The following CTNNA2 variants were observed in gnomAD, a reference collection of about 807,000 sequenced individuals.
CTNNA2 encodes catenin alpha-2.
Under a neutral mutation model 101.0 loss-of-function variants are expected in CTNNA2, and 42 were observed. That is an observed-to-expected ratio of 0.42 (90% CI 0.32 to 0.54). The LOEUF (loss-of-function observed/expected upper bound fraction) is 0.54. Ranked by LOEUF, CTNNA2 falls within the 20% of genes least tolerant of loss-of-function variation. The pLI is 0.14. For missense variants in CTNNA2, 871 were observed against 1,223.1 expected, an observed-to-expected ratio of 0.71 and a Z score of 4.29; for synonymous variants, 450 against 456.4, an observed-to-expected ratio of 0.99 and a Z score of 0.18.
At chr2:80,351,661 A>T (rs997348241) in intron 7 of CTNNA2, among the ~76,000 whole-genome samples, 12 of 152,112 alleles carry the variant, frequency 7.9e-5, no homozygotes, top group Admixed American at 7.2e-4. Flanking sequence ...AGGGGCGTTA[A>T]TTTCACATTT....
At chr2:79,991,046 T>C (rs974137790) in intron 7 of CTNNA2, among the ~76,000 whole-genome samples, 3 of 152,238 alleles carry the variant, frequency 2.0e-5, no homozygotes, top group Non-Finnish European at 4.4e-5. Flanking sequence ...TTCTAGACTT[T>C]CTAGTTTATT....
intron 9 of CTNNA2, among the ~76,000 whole-genome samples, chr2:80,472,133 G>T (rs184389459): frequency 2.3e-4 from 35 of 151,316 alleles, no homozygotes; most frequent in African/African-American, 7.1e-4. Flanking sequence ...AAAAAAAAAG[G>T]TTAGAAAATA....
chr2:79,235,242 T>C (rs1295614084), intron 2 of CTNNA2, among the ~76,000 whole-genome samples: 4 of 152,172 alleles, frequency 2.6e-5, no homozygotes, highest in Non-Finnish European at 5.9e-5. Flanking sequence ...GTACAAAGTG[T>C]TTATTTGTGG....
At chr2:79,330,830 G>T (rs886209315) in intron 3 of CTNNA2, among the ~76,000 whole-genome samples, 1 of 152,144 alleles carries the variant, frequency 6.6e-6, no homozygotes, top group East Asian at 1.9e-4. Context: ...ATGTGGAACT[G>T]TAAGTCAATT....
intron 3 of CTNNA2, among the ~76,000 whole-genome samples, chr2:79,828,945 T>C (rs746816288): frequency 1.2e-4 from 19 of 152,158 alleles, no homozygotes; most frequent in Non-Finnish European, 2.4e-4. Flanking sequence ...CCCACATTGA[T>C]TAGATTGACT....
At chr2:79,222,122 G>A (rs183650209) in intron 2 of CTNNA2, among the ~76,000 whole-genome samples, 8 of 152,270 alleles carry the variant, frequency 5.3e-5, no homozygotes, top group African/African-American at 1.4e-4. Context: ...GGGAGTCAAA[G>A]CATGCTGCTT....
intron 9 of CTNNA2, among the ~76,000 whole-genome samples, chr2:80,434,394 G>T (rs1483193812): frequency 6.6e-6 from 1 of 151,714 alleles, no homozygotes; most frequent in Non-Finnish European, 1.5e-5. Context: ...TTTTCATTCT[G>T]GAAAACTATG....
At chr2:79,948,880 A>G (rs893017731) in intron 7 of CTNNA2, among the ~76,000 whole-genome samples, 1 of 152,224 alleles carries the variant, frequency 6.6e-6, no homozygotes, top group Admixed American at 6.5e-5. Flanking sequence ...AGGCAGGAGA[A>G]TGGCGTGAAC....
At chr2:79,880,031 G>A (rs547830042) in intron 6 of CTNNA2, among the ~76,000 whole-genome samples, 10 of 152,102 alleles carry the variant, frequency 6.6e-5, no homozygotes, top group Non-Finnish European at 1.0e-4. Context: ...AATGTGAAGC[G>A]ATGTTGAATT....
intron 2 of CTNNA2, among the ~76,000 whole-genome samples, chr2:79,682,179 C>A (rs901737071): frequency 2.0e-5 from 3 of 151,904 alleles, no homozygotes; most frequent in African/African-American, 7.2e-5. Context: ...GAGGCCGAGG[C>A]AGGCGGATCA....
At chr2:79,259,623 G>GCA in intron 2 of CTNNA2, among the ~76,000 whole-genome samples, 1 of 152,186 alleles carries the variant, frequency 6.6e-6, no homozygotes, top group East Asian at 1.9e-4. Context: ...AGTTTGAGTT[G>GCA]GGGGCCCAGG....
Position 79,410,791 on chromosome 2 carries a change from G to T in CTNNA2, c.-135+36778G>T, listed in dbSNP as rs547657254. Among the ~76,000 whole-genome samples the T allele has an allele frequency of 2.5e-4, 38 of 151,050 alleles. 1 individual carries two copies. In the South Asian group the frequency reaches 8.1e-3, roughly 32 times the overall value. On this transcript the variant is annotated intron_variant, in intron 4 of 21. Transcript: ENST00000466387. ...TTGGTTGTGTCTCTGCCCGGCTTTG[G>T]TATCAGGATGATGCTGGCCTCATAA...
At chr2:79,213,129 T>G (rs1468347581) in intron 2 of CTNNA2, among the ~76,000 whole-genome samples, 1 of 152,048 alleles carries the variant, frequency 6.6e-6, no homozygotes, top group Non-Finnish European at 1.5e-5. Context: ...GGGGAGTAGG[T>G]GGGAGTGGCC....
At chr2:80,241,104 T>C (rs555135826) in intron 7 of CTNNA2, among the ~76,000 whole-genome samples, 2 of 152,296 alleles carry the variant, frequency 1.3e-5, no homozygotes, top group East Asian at 3.9e-4. Flanking sequence ...CACTTTGTCC[T>C]ATTCAATCTG....
chr2:80,072,871 A>G (rs1181152190), intron 7 of CTNNA2, among the ~76,000 whole-genome samples: 1 of 152,160 alleles, frequency 6.6e-6, no homozygotes, highest in Non-Finnish European at 1.5e-5. Context: ...AAAACGAGGG[A>G]TGTTCCATTT....
At chr2:80,115,603 G>A (rs573299048) in intron 7 of CTNNA2, among the ~76,000 whole-genome samples, 2 of 152,180 alleles carry the variant, frequency 1.3e-5, no homozygotes, top group East Asian at 3.9e-4. Flanking sequence ...GGGGGAGACG[G>A]GGAGAGGCTG....
At chr2:79,371,433 A>G (rs1677869307) in intron 3 of CTNNA2, among the ~76,000 whole-genome samples, 1 of 152,062 alleles carries the variant, frequency 6.6e-6, no homozygotes, top group Non-Finnish European at 1.5e-5. Context: ...TGGAACCGAC[A>G]TATGGAAAGT....
At chr2:79,189,815 G>C (rs546714308) in intron 1 of CTNNA2, among the ~76,000 whole-genome samples, 1 of 152,240 alleles carries the variant, frequency 6.6e-6, no homozygotes, top group South Asian at 2.1e-4. Flanking sequence ...GAAGGGTCCT[G>C]GGCTGTGAAA....
At chr2:79,188,415 A>G (rs1395662845) in intron 1 of CTNNA2, among the ~76,000 whole-genome samples, 2 of 152,182 alleles carry the variant, frequency 1.3e-5, no homozygotes, top group African/African-American at 4.8e-5. Context: ...AAGAGGCAGA[A>G]GTGTCACCTG....
Sources: gnomAD v4.1 joint callset for allele counts (sites outside exome capture counted in the v4.1 genomes callset) on GRCh38, gnomAD v4.1.1 for gene constraint, MANE v1.5 for transcripts, NCBI Gene and HGNC (gene_info 2026-07-23, HGNC 2026-07-21) for gene names.